HLCS: variants seen among roughly 807,000 people sequenced by gnomAD.
HLCS encodes the protein biotin--protein ligase.
Under a neutral mutation model 75.0 loss-of-function variants are expected in HLCS, and 53 were observed. That is an observed-to-expected ratio of 0.71 (90% CI 0.57 to 0.89). The LOEUF (loss-of-function observed/expected upper bound fraction) is 0.89, where lower values mean the gene tolerates loss of function less well. HLCS is among the 40% of genes least tolerant of loss of function. The pLI is 0.00. For missense variants in HLCS, 966 were observed against 1,074.0 expected, an observed-to-expected ratio of 0.90 and a Z score of 1.41; for synonymous variants, 431 against 428.6, an observed-to-expected ratio of 1.01 and a Z score of -0.07.
chr21:36,761,244 T>A, intron 8 of HLCS, among the ~76,000 whole-genome samples: 1 of 152,186 alleles, frequency 6.6e-6, no homozygotes, highest in Non-Finnish European at 1.5e-5. Context: ...GAGCTAAAAT[T>A]CAAACCTTTC....
chr21:36,888,169 G>A (rs1190099108), intron 6 of HLCS, among the ~76,000 whole-genome samples: 1 of 151,896 alleles, frequency 6.6e-6, no homozygotes, highest in Non-Finnish European at 1.5e-5. Flanking sequence ...TCTCTACTGT[G>A]AGGTCACTCA....
At chr21:36,766,961 C>T (rs184573524) in intron 7 of HLCS, among the ~76,000 whole-genome samples, 72 of 152,356 alleles carry the variant, frequency 4.7e-4, no homozygotes, top group African/African-American at 1.7e-3. Context: ...ATGTAGGTCA[C>T]ATTTGCCATC....
At chr21:36,947,528 G>C (rs567862878) in intron 2 of HLCS, 1 of 985,430 alleles carries the variant, frequency 1.0e-6, no homozygotes, top group Non-Finnish European at 1.2e-6. Context: ...CAAAGGCATG[G>C]AAAAGAGAAG....
intron 5 of HLCS, among the ~76,000 whole-genome samples, chr21:36,922,626 GTCTTCCTGCTT>G (rs2066221666): frequency 6.6e-6 from 1 of 152,192 alleles, no homozygotes. Context: ...CCTTGGCTGA[GTCTTCCTGCTT>G]TCACGAGGAA....
chr21:36,978,294 G>A (rs904650488), intron 1 of HLCS, among the ~76,000 whole-genome samples: 4 of 152,042 alleles, frequency 2.6e-5, no homozygotes, highest in African/African-American at 9.7e-5. Flanking sequence ...TCAGGAGTTC[G>A]AGACCAGCCT....
intron 5 of HLCS, among the ~76,000 whole-genome samples, chr21:36,926,287 C>T (rs2066402857): frequency 6.6e-6 from 1 of 152,206 alleles, no homozygotes; most frequent in South Asian, 2.1e-4. Context: ...AGCTCGGAGG[C>T]CCCCACACAC....
At chr21:36,880,658 G>A (rs1412315296) in intron 6 of HLCS, among the ~76,000 whole-genome samples, 3 of 152,100 alleles carry the variant, frequency 2.0e-5, no homozygotes, top group Non-Finnish European at 4.4e-5. Flanking sequence ...AATCCACCTC[G>A]AACACTCCAC....
In HLCS at chr21:36,763,716, A is replaced by G. The variant is rs116593007; in HGVS notation, c.2121+1296T>C. 3.5e-3 allele frequency among the ~76,000 whole-genome samples: 530 copies of G among 152,282 alleles called. 2 individuals carry two copies. The highest frequency in any genetic ancestry group is 0.012 in the African/African-American group (479 of 41,560). Reference sequence around the variant, plus strand: ...TGGGGGAGGGAGGCAGGAATCTCCTATTTATACCCATATGAAATTCTTCCA... The same window carrying G: ...TGGGGGAGGGAGGCAGGAATCTCCTGTTTATACCCATATGAAATTCTTCCA... On this transcript the variant is annotated intron_variant, in intron 8 of 10. Coordinates refer to ENST00000674895, the MANE Select transcript of HLCS (RefSeq NM_001352514.2).
intron 7 of HLCS, among the ~76,000 whole-genome samples, chr21:36,765,486 A>C (rs1465758222): frequency 6.6e-6 from 1 of 152,196 alleles, no homozygotes; most frequent in African/African-American, 2.4e-5. Context: ...GCATATGGTC[A>C]TGAAGGCAAA....
At chr21:36,785,068 G>T (rs530717722) in intron 6 of HLCS, among the ~76,000 whole-genome samples, 2 of 152,138 alleles carry the variant, frequency 1.3e-5, no homozygotes, top group Non-Finnish European at 2.9e-5. Flanking sequence ...TCGCCTTCGG[G>T]GTAATGACAA....
In HLCS at chr21:36,966,483, C is replaced by CA; in HGVS notation, c.155dup (p.Ser53GlufsTer16). The CA allele has an allele frequency of 1.0e-6, 1 of 985,466 alleles. No homozygotes were observed. The allele number at this position is 985,466 out of a possible 1,614,324, so 61.0% of individuals were successfully genotyped here. ...CGCAGAAGACGCGGCCGCCACGGCTCAGGCACACGCGGGCGCCCGGGGGCT... is the reference window on the plus strand; with the variant it reads ...CGCAGAAGACGCGGCCGCCACGGCTCAAGGCACACGCGGGCGCCCGGGGGCT... On this transcript the variant is annotated frameshift_variant, in exon 1 of 11. Coordinates refer to ENST00000674895, the MANE Select transcript of HLCS (RefSeq NM_001352514.2). LOFTEE classifies it high-confidence loss of function.
chr21:36,817,972 G>A (rs768664540), intron 6 of HLCS, among the ~76,000 whole-genome samples: 19 of 152,190 alleles, frequency 1.2e-4, no homozygotes, highest in Non-Finnish European at 2.5e-4. Flanking sequence ...TGTTCTAAGT[G>A]GAGCTTTTCT....
chr21:36,777,191 T>A (rs1181293754), intron 6 of HLCS, among the ~76,000 whole-genome samples: 1 of 152,208 alleles, frequency 6.6e-6, no homozygotes, highest in Non-Finnish European at 1.5e-5. Context: ...CATGTCAGCA[T>A]TACACAGAAC....
chr21:36,773,599 C>T (rs1230255974), intron 6 of HLCS, among the ~76,000 whole-genome samples: 1 of 152,242 alleles, frequency 6.6e-6, no homozygotes, highest in Non-Finnish European at 1.5e-5. Flanking sequence ...GTCTGTGCTT[C>T]TCTTTGCTAT....
chr21:36,881,779 AG>A (rs2064228086), intron 6 of HLCS, among the ~76,000 whole-genome samples: 1 of 152,218 alleles, frequency 6.6e-6, no homozygotes, highest in African/African-American at 2.4e-5. Flanking sequence ...CCATACCCTG[AG>A]GAACCTGGCC....
chr21:36,812,327 T>C (rs777264612), intron 6 of HLCS, among the ~76,000 whole-genome samples: 17 of 152,174 alleles, frequency 1.1e-4, no homozygotes, highest in Non-Finnish European at 2.1e-4. Flanking sequence ...TGGAATTATC[T>C]GTAATTTTTC....
At chr21:36,882,206 C>T (rs943122911) in intron 6 of HLCS, among the ~76,000 whole-genome samples, 24 of 151,132 alleles carry the variant, frequency 1.6e-4, no homozygotes, top group Admixed American at 5.9e-4. Context: ...GGCATGAACC[C>T]GGAAGGCGGA....
rs2089375754 is a variant in HLCS, at chr21:36,751,738, G to C, written c.*2508C>G. ...GGACAGGAAGCCCAGTTATTGCTGT[G>C]TTCTATTTTAGGGGGCACTTCCTCA... On this transcript the variant is annotated 3_prime_UTR_variant, in exon 11 of 11. Transcript: ENST00000674895. The C allele has an allele frequency of 6.6e-6, 1 of 152,192 alleles. No individual in the cohort carries two copies. The highest frequency in any genetic ancestry group is 1.5e-5 in the Non-Finnish European group (1 of 68,036). 9.4% of individuals were successfully genotyped at this position (152,192 alleles called of 1,614,324 possible).
chr21:36,762,121 A>G (rs1273622769), intron 8 of HLCS, among the ~76,000 whole-genome samples: 1 of 152,196 alleles, frequency 6.6e-6, no homozygotes, highest in African/African-American at 2.4e-5. Flanking sequence ...AAAAGACCAA[A>G]ATGAAACAAA....
Sources: gnomAD v4.1 joint callset for allele counts (sites outside exome capture counted in the v4.1 genomes callset) on GRCh38, gnomAD v4.1.1 for gene constraint, MANE v1.5 for transcripts, NCBI Gene and HGNC (gene_info 2026-07-23, HGNC 2026-07-21) for gene names.